ELOVL6: variants seen among roughly 807,000 people sequenced by gnomAD.
ELOVL6 encodes very long chain fatty acid elongase 6.
In ELOVL6, 8 loss-of-function variants were observed where a neutral mutation model predicts 31.7. That is an observed-to-expected ratio of 0.25 (90% CI 0.15 to 0.45). The LOEUF (loss-of-function observed/expected upper bound fraction) is 0.45, where lower values mean the gene tolerates loss of function less well. Among genes scored for constraint, ELOVL6 ranks in the 20% least tolerant of loss-of-function variants. The probability of loss-of-function intolerance (pLI) is 1.00; values close to 1 mark genes in which losing one functional copy is unlikely to be tolerated. For synonymous variants in ELOVL6, 101 were observed against 117.7 expected (o/e 0.86, Z 0.92); for missense variants, 126 against 326.4 (o/e 0.39, Z 4.73).
chr4:110,056,655 T>C (rs1027857326), intron 3 of ELOVL6, among the ~76,000 whole-genome samples: 12 of 152,208 alleles, frequency 7.9e-5, no homozygotes, highest in Admixed American at 5.9e-4. Flanking sequence ...TAGAATATTA[T>C]TTTTTCCAAC....
At chr4:110,195,478 G>A (rs1402308411) in intron 1 of ELOVL6, among the ~76,000 whole-genome samples, 1 of 152,026 alleles carries the variant, frequency 6.6e-6, no homozygotes, top group Non-Finnish European at 1.5e-5. Context: ...TTTTTGGGGA[G>A]GGAGGAGAGA....
At chr4:110,078,008 A>T (rs1045988779) in intron 2 of ELOVL6, among the ~76,000 whole-genome samples, 2 of 152,226 alleles carry the variant, frequency 1.3e-5, no homozygotes, top group Non-Finnish European at 2.9e-5. Context: ...GATCAAATGG[A>T]TGAAATAAAG....
intron 3 of ELOVL6, among the ~76,000 whole-genome samples, chr4:110,052,296 A>C (rs1403620162): frequency 6.6e-6 from 1 of 152,238 alleles, no homozygotes; most frequent in Admixed American, 6.5e-5. Flanking sequence ...TCTTTGGTAC[A>C]TGATAAAAGG....
intron 1 of ELOVL6, among the ~76,000 whole-genome samples, chr4:110,160,364 T>A (rs1017290576): frequency 1.7e-4 from 26 of 152,206 alleles, no homozygotes; most frequent in African/African-American, 6.0e-4. Context: ...TTCCTTCCAC[T>A]GGCCCACCCA....
At chr4:110,084,908 T>C (rs1183201973) in intron 2 of ELOVL6, among the ~76,000 whole-genome samples, 3 of 151,902 alleles carry the variant, frequency 2.0e-5, no homozygotes, top group Admixed American at 6.6e-5. Context: ...TGTGATATAT[T>C]AATAGCAAGG....
chr4:110,128,111 G>A (rs1207230455), intron 1 of ELOVL6, among the ~76,000 whole-genome samples: 2 of 152,080 alleles, frequency 1.3e-5, no homozygotes, highest in African/African-American at 4.8e-5. Context: ...ATCTTGTTGG[G>A]TCAGAGAAGG....
chr4:110,084,423 T>TGA, intron 2 of ELOVL6, among the ~76,000 whole-genome samples: 1 of 79,758 alleles, frequency 1.3e-5, no homozygotes. Flanking sequence ...ACATGATATA[T>TGA]CACATATATC....
chr4:110,129,891 A>ATTTTTTTTTTTT (rs371838858), intron 1 of ELOVL6, among the ~76,000 whole-genome samples: 3 of 93,538 alleles, frequency 3.2e-5, no homozygotes, highest in Admixed American at 1.4e-4. Flanking sequence ...ATCCAATCCA[A>ATTTTTTTTTTTT]TTTTTTTTTT....
chr4:110,059,374 A>G (rs921593393), intron 3 of ELOVL6, among the ~76,000 whole-genome samples: 3 of 152,214 alleles, frequency 2.0e-5, no homozygotes, highest in South Asian at 2.1e-4. Context: ...GAAAATCAGC[A>G]TGTTCAGTAT....
intron 2 of ELOVL6, among the ~76,000 whole-genome samples, chr4:110,072,842 G>A (rs1755530111): frequency 6.6e-6 from 1 of 152,154 alleles, no homozygotes; most frequent in Non-Finnish European, 1.5e-5. Context: ...CAGCCTGAAA[G>A]TTGTCACCCT....
At chr4:110,132,450 T>A (rs944375229) in intron 1 of ELOVL6, among the ~76,000 whole-genome samples, 1 of 151,984 alleles carries the variant, frequency 6.6e-6, no homozygotes, top group Admixed American at 6.6e-5. Context: ...GCAGCTGATT[T>A]AATATGGGGA....
Position 110,124,993 on chromosome 4 carries a change from T to C in ELOVL6, c.90-19365A>G, listed in dbSNP as rs982704415. On this transcript the variant is annotated intron_variant, in intron 1 of 3. Coordinates refer to ENST00000302274, the MANE Select transcript of ELOVL6 (RefSeq NM_024090.3). ...AAGGCACAAGTGACTTTTTAATATA[T>C]GTTTCTCTAAATGAACATATAGAGA... Among the ~76,000 whole-genome samples, 9 of 152,292 alleles carry C rather than the reference T, an allele frequency of 5.9e-5. No individual in the cohort carries two copies. The South Asian group carries it at 1.9e-3, about 32-fold the overall frequency.
intron 2 of ELOVL6, among the ~76,000 whole-genome samples, chr4:110,080,136 A>G (rs1331937172): frequency 6.6e-6 from 1 of 152,200 alleles, no homozygotes; most frequent in African/African-American, 2.4e-5. Context: ...GACCAGATGG[A>G]TTCACAGCCG....
chr4:110,127,566 A>AT (rs1412561895), intron 1 of ELOVL6, among the ~76,000 whole-genome samples: 5 of 99,846 alleles, frequency 5.0e-5, no homozygotes, highest in Non-Finnish European at 8.1e-5. Flanking sequence ...ATTTTTCTTC[A>AT]TAAGTTATGA....
chr4:110,061,898 T>A (rs1176071302), intron 2 of ELOVL6, among the ~76,000 whole-genome samples: 1 of 152,180 alleles, frequency 6.6e-6, no homozygotes, highest in Admixed American at 6.5e-5. Flanking sequence ...TCAGAGTAGA[T>A]CCAAAGAATG....
In ELOVL6 at chr4:110,105,615, G is replaced by A. The variant is rs1756865836; in HGVS notation, c.103C>T (p.Leu35=). ...AAGGCAGCATACAGAGCAGAAAACA[G>A]GAAAGATTTCTTCCTGCAAACAAGC... is the stretch of plus-strand genomic sequence containing the variant. ...WMQENWKKSF[L]FSALYAAFIF... Residue 35 remains leucine (L), a synonymous_variant, in exon 2 of 4, where the codon CTG becomes TTG. Transcript: ENST00000302274. 7 of 1,609,340 alleles carry A rather than the reference G, an allele frequency of 4.3e-6. No homozygotes were observed. Among genetic ancestry groups the A allele is most frequent in the Non-Finnish European group, 5.9e-6 (7 of 1,178,446 alleles).
chr4:110,198,672 T>A (rs1553964007), upstream of ELOVL6: 1 of 226,712 alleles, frequency 4.4e-6, no homozygotes, highest in Non-Finnish European at 8.7e-6. Flanking sequence ...CTCCTCCCCC[T>A]CGTGCGATTT....
intron 1 of ELOVL6, among the ~76,000 whole-genome samples, chr4:110,192,601 T>C (rs186995353): frequency 6.6e-6 from 1 of 152,178 alleles, no homozygotes; most frequent in Admixed American, 6.5e-5. Flanking sequence ...AATCATAAAA[T>C]ATTTTGCATT....
At position 110,150,817 on chromosome 4, in the gene ELOVL6, CG is replaced by C. The variant is rs531382093; in HGVS notation, c.90-45190del. Among the ~76,000 whole-genome samples, 285 of 152,116 alleles carry C rather than the reference CG, an allele frequency of 1.9e-3. 3 individuals carry two copies. Among genetic ancestry groups the C allele is most frequent in the South Asian group, 1.9e-3 (9 of 4,822 alleles). Reference sequence around the variant, plus strand: ...CAGCACTTTGGGAAGCCGAGGTGGACGGATCACCTGAGGTCAGGAGTTTGAG... The same window carrying C: ...CAGCACTTTGGGAAGCCGAGGTGGACGATCACCTGAGGTCAGGAGTTTGAG... On this transcript the variant is annotated intron_variant, in intron 1 of 3. Coordinates refer to ENST00000302274, the MANE Select transcript of ELOVL6 (RefSeq NM_024090.3).
Sources: gnomAD v4.1 joint callset for allele counts (sites outside exome capture counted in the v4.1 genomes callset) on GRCh38, gnomAD v4.1.1 for gene constraint, MANE v1.5 for transcripts, NCBI Gene and HGNC (gene_info 2026-07-23, HGNC 2026-07-21) for gene names.